Variants in ZNF654 observed in about 807,000 individuals in gnomAD.
The protein encoded by ZNF654 is melanoma-associated antigen.
In ZNF654, 19 loss-of-function variants were observed where a neutral mutation model predicts 95.3. That is an observed-to-expected ratio of 0.20 (90% CI 0.14 to 0.29). ZNF654 has a LOEUF of 0.29. Ranked by LOEUF, ZNF654 falls within the 10% of genes least tolerant of loss-of-function variation. ZNF654 has a pLI of 1.00. For synonymous variants in ZNF654, 413 were observed against 457.9 expected (o/e 0.90, Z 1.25); for missense variants, 1,046 against 1,341.0 (o/e 0.78, Z 3.44).
chr3:88,125,077 T>C (rs571444907), intron 3 of ZNF654, among the ~76,000 whole-genome samples: 15 of 151,992 alleles, frequency 9.9e-5, no homozygotes, highest in African/African-American at 3.4e-4. Flanking sequence ...TAGCTGGGCA[T>C]GGTGACACGC....
intron 2 of ZNF654, among the ~76,000 whole-genome samples, chr3:88,094,044 G>C (rs1477910942): frequency 6.6e-6 from 1 of 151,610 alleles, no homozygotes; most frequent in East Asian, 1.9e-4. Flanking sequence ...TCATTTGAGA[G>C]AAAAATCTAG....
intron 1 of ZNF654, among the ~76,000 whole-genome samples, chr3:88,069,957 T>C (rs770270290): frequency 1.3e-5 from 2 of 152,218 alleles, no homozygotes; most frequent in African/African-American, 2.4e-5. Flanking sequence ...CCAAATACAA[T>C]GGATGTGTTT....
chr3:88,100,226 T>C (rs964473345), intron 2 of ZNF654, among the ~76,000 whole-genome samples: 2 of 152,194 alleles, frequency 1.3e-5, no homozygotes, highest in Non-Finnish European at 2.9e-5. Context: ...GAAAAAATGC[T>C]CATCATCACT....
chr3:88,105,874 T>G (rs1194207934), intron 2 of ZNF654, among the ~76,000 whole-genome samples: 2 of 152,222 alleles, frequency 1.3e-5, no homozygotes, highest in Non-Finnish European at 2.9e-5. Context: ...GGTGGGACCT[T>G]TGAGAGGTGA....
chr3:88,107,918 C>G (rs548257231), intron 2 of ZNF654, among the ~76,000 whole-genome samples: 1 of 152,162 alleles, frequency 6.6e-6, no homozygotes, highest in South Asian at 2.1e-4. Flanking sequence ...GTCTCTGTGA[C>G]TAACGTTCTT....
chr3:88,104,504 AT>A (rs1704617942), intron 2 of ZNF654, among the ~76,000 whole-genome samples: 1 of 152,246 alleles, frequency 6.6e-6, no homozygotes, highest in Non-Finnish European at 1.5e-5. Flanking sequence ...TGGGCCATAT[AT>A]TCCAGATGCC....
intron 2 of ZNF654, among the ~76,000 whole-genome samples, chr3:88,109,635 A>T (rs1031404616): frequency 6.6e-6 from 1 of 152,170 alleles, no homozygotes; most frequent in African/African-American, 2.4e-5. Flanking sequence ...GAGTTTGTTT[A>T]TAAGTAGACC....
intron 1 of ZNF654, among the ~76,000 whole-genome samples, chr3:88,084,332 T>C (rs916796439): frequency 2.2e-4 from 34 of 152,290 alleles, no homozygotes; most frequent in Admixed American, 4.6e-4. Flanking sequence ...AATGTGAGGC[T>C]GTCAGGTACC....
At chr3:88,100,301 A>G (rs536287373) in intron 2 of ZNF654, among the ~76,000 whole-genome samples, 40 of 152,324 alleles carry the variant, frequency 2.6e-4, no homozygotes, top group Non-Finnish European at 4.3e-4. Context: ...TAGAATGACA[A>G]TCATTAAAAA....
At chr3:88,129,444 A>C (rs1706317379) in intron 5 of ZNF654, among the ~76,000 whole-genome samples, 1 of 151,898 alleles carries the variant, frequency 6.6e-6, no homozygotes, top group African/African-American at 2.4e-5. Context: ...ATCTTTTCCT[A>C]ATATGGATCG....
intron 2 of ZNF654, among the ~76,000 whole-genome samples, chr3:88,101,465 G>T (rs1228084168): frequency 6.6e-6 from 1 of 152,068 alleles, no homozygotes; most frequent in African/African-American, 2.4e-5. Flanking sequence ...TCTTTTAAAT[G>T]ACTATTTTTC....
intron 2 of ZNF654, among the ~76,000 whole-genome samples, chr3:88,098,242 A>G (rs568803655): frequency 1.3e-5 from 2 of 152,338 alleles, no homozygotes; most frequent in African/African-American, 4.8e-5. Flanking sequence ...AGAAATGGAT[A>G]AATTCCTGCA....
At chr3:88,074,119 C>T (rs1707666654) in intron 1 of ZNF654, among the ~76,000 whole-genome samples, 1 of 152,054 alleles carries the variant, frequency 6.6e-6, no homozygotes, top group Non-Finnish European at 1.5e-5. Context: ...TTTGAGTTCA[C>T]AAAGAAAAAT....
chr3:88,059,350 G>A lies in ZNF654; in HGVS notation c.31G>A (p.Glu11Lys). ...GGAGGAAGAGAGCGACCAAGAGGCC[G>A]AACGCCTCGGAGAAGAGCTTGTGGC... MAEEESDQEA[E>K]RLGEELVAIV... is the part of the protein sequence containing the mutation. Residue 11 changes from glutamate to lysine, a missense_variant, in exon 1 of 9, where the codon GAA becomes AAA. Physicochemically the swap from Glu to Lys is moderately conservative, Grantham distance 56 (BLOSUM62 1). This residue lies in a region of ZNF654 where 89 missense variants were observed against 77.9 expected (regional missense o/e 1.14). Coordinates refer to ENST00000636215, the MANE Select transcript of ZNF654 (RefSeq NM_001350134.2). 6.5e-7 allele frequency: 1 copy of A among 1,534,942 alleles called. No homozygotes were observed. Among genetic ancestry groups the A allele is most frequent in the East Asian group, 2.4e-5 (1 of 40,878 alleles).
At chr3:88,088,247 A>G (rs766439044) in intron 2 of ZNF654, among the ~76,000 whole-genome samples, 6 of 152,214 alleles carry the variant, frequency 3.9e-5, no homozygotes, top group Non-Finnish European at 7.3e-5. Flanking sequence ...TAGGGCTCCC[A>G]ATTATTTACA....
At position 88,131,290 on chromosome 3, in the gene ZNF654, T is replaced by C. The variant is rs1385198582; in HGVS notation, c.893+1464T>C. 3.9e-5 allele frequency among the ~76,000 whole-genome samples: 6 copies of C among 152,358 alleles called. No homozygotes were observed. The South Asian group carries it at 1.0e-3, about 26-fold the overall frequency. ...CCACTGTTGTATACGCAGTCTTCTGTTCACTGAAATGTTGTTACACTGCGT... is the reference window on the plus strand; with the variant it reads ...CCACTGTTGTATACGCAGTCTTCTGCTCACTGAAATGTTGTTACACTGCGT... On this transcript the variant is annotated intron_variant, in intron 6 of 8. Transcript: ENST00000636215.
intron 3 of ZNF654, among the ~76,000 whole-genome samples, chr3:88,119,386 G>T: frequency 6.8e-5 from 1 of 14,688 alleles, no homozygotes. Context: ...GGACTGTTGT[G>T]GGGTGGGGGG....
chr3:88,068,882 G>T (rs1707346771), intron 1 of ZNF654, among the ~76,000 whole-genome samples: 2 of 151,992 alleles, frequency 1.3e-5, no homozygotes, highest in Admixed American at 6.6e-5. Context: ...GCCAGCCCGT[G>T]CACTTAGCCT....
In ZNF654 at chr3:88,075,232, A is replaced by T. The variant is rs1329901576; in HGVS notation, c.187-11025A>T. Among the ~76,000 whole-genome samples, 3 of 152,200 alleles carry T rather than the reference A, an allele frequency of 2.0e-5. No individual in the cohort carries two copies. The East Asian group carries it at 5.8e-4, about 29-fold the overall frequency. On this transcript the variant is annotated intron_variant, in intron 1 of 8. Transcript: ENST00000636215. ...GGCACCACTTCTACTAGCTGTTATA[A>T]AGAGCATATCACTTACTTGTAGTTT...
Sources: gnomAD v4.1 joint callset for allele counts (sites outside exome capture counted in the v4.1 genomes callset) on GRCh38, gnomAD v4.1.1 for gene constraint, gnomAD v4.1.1 regional missense constraint, MANE v1.5 for transcripts, NCBI Gene and HGNC (gene_info 2026-07-23, HGNC 2026-07-21) for gene names.